The following KLF12 variants were observed in gnomAD, a reference collection of about 807,000 sequenced individuals.
The protein encoded by KLF12 is Krueppel-like factor 12.
A neutral mutation model predicts 37.8 loss-of-function variants in KLF12; 9 were observed. The ratio of observed to expected loss-of-function variants is 0.24; its 90% CI spans 0.14 to 0.42. The LOEUF is 0.42. Among genes scored for constraint, KLF12 ranks in the 10% least tolerant of loss-of-function variants. The pLI, the probability that KLF12 is intolerant of heterozygous loss-of-function variation, is 1.00. For missense variants in KLF12, 411 were observed against 516.0 expected, an observed-to-expected ratio of 0.80 and a Z score of 1.97; for synonymous variants, 208 against 202.1, an observed-to-expected ratio of 1.03 and a Z score of -0.25.
chr13:73,898,722 C>T (rs1355540089), intron 3 of KLF12, among the ~76,000 whole-genome samples: 1 of 152,150 alleles, frequency 6.6e-6, no homozygotes, highest in Admixed American at 6.5e-5. Context: ...ACAGTACGCC[C>T]AAGAAAGGGT....
At chr13:73,826,763 T>TACACGC (rs1883866846) in intron 4 of KLF12, among the ~76,000 whole-genome samples, 1 of 149,370 alleles carries the variant, frequency 6.7e-6, no homozygotes, top group African/African-American at 2.5e-5. Context: ...ATATCATATC[T>TACACGC]ACACACACAC....
chr13:74,045,475 T>G, intron 1 of KLF12, among the ~76,000 whole-genome samples: 1 of 152,086 alleles, frequency 6.6e-6, no homozygotes, highest in Non-Finnish European at 1.5e-5. Context: ...AGGAGTCAGA[T>G]GTGATCACAA....
rs768668350 is a variant in KLF12, at chr13:73,839,258, AT to A, written c.670+6568del. Among the ~76,000 whole-genome samples, 1,048 of 113,036 alleles carry A rather than the reference AT, an allele frequency of 9.3e-3. 10 individuals are homozygous for A. Among genetic ancestry groups the A allele is most frequent in the East Asian group, 0.033 (67 of 2,016 alleles). 74.2% of individuals were successfully genotyped at this position (113,036 alleles called of 152,430 possible). On this transcript the variant is annotated intron_variant, in intron 4 of 7. Transcript: ENST00000377669. ...CAGGTGCTTACCACCATACCTGGTT[AT>A]TTTTTTTTTTTTTTTGTATTTTTGG...
intron 7 of KLF12, among the ~76,000 whole-genome samples, chr13:73,696,974 T>C (rs1270162065): frequency 6.6e-6 from 1 of 152,206 alleles, no homozygotes; most frequent in Non-Finnish European, 1.5e-5. Flanking sequence ...GACGCCCTTC[T>C]GTACCAGTTT....
chr13:74,161,549 C>G, the KLF12 span, among the ~76,000 whole-genome samples: 1 of 152,126 alleles, frequency 6.6e-6, no homozygotes, highest in Non-Finnish European at 1.5e-5. Flanking sequence ...AACAGATTCT[C>G]CCTCAGAACC....
chr13:73,978,982 A>G (rs192985034), intron 2 of KLF12, among the ~76,000 whole-genome samples: 57 of 151,672 alleles, frequency 3.8e-4, no homozygotes, highest in Admixed American at 1.2e-3. Context: ...GAAGACAATA[A>G]AACAATCAGT....
chr13:74,219,927 T>C, the KLF12 span, among the ~76,000 whole-genome samples: 35 of 152,202 alleles, frequency 2.3e-4, no homozygotes, highest in Admixed American at 1.2e-3. Flanking sequence ...AAACTTCTTT[T>C]CTTTTAAAAC....
At chr13:73,900,460 A>G (rs1305656997) in intron 3 of KLF12, among the ~76,000 whole-genome samples, 1 of 152,136 alleles carries the variant, frequency 6.6e-6, no homozygotes, top group Non-Finnish European at 1.5e-5. Flanking sequence ...CTTTTAATAC[A>G]TTTTTTCAGT....
intron 2 of KLF12, among the ~76,000 whole-genome samples, chr13:73,949,754 G>C (rs1436964346): frequency 6.6e-6 from 1 of 152,012 alleles, no homozygotes; most frequent in Non-Finnish European, 1.5e-5. Context: ...TTTCATAGAG[G>C]GCATATAACT....
chr13:73,982,892 T>C (rs1215350966), intron 2 of KLF12, among the ~76,000 whole-genome samples: 1 of 152,180 alleles, frequency 6.6e-6, no homozygotes, highest in African/African-American at 2.4e-5. Context: ...ACTTTTCATT[T>C]ATTTCAGGAT....
At chr13:74,180,838 C>A in the KLF12 span, among the ~76,000 whole-genome samples, 6 of 152,052 alleles carry the variant, frequency 3.9e-5, no homozygotes, top group African/African-American at 1.4e-4. Flanking sequence ...GCTTTTTTCC[C>A]CATTAAAATA....
At position 73,695,682 on chromosome 13, in the gene KLF12, C is replaced by T. The variant is rs947112421; in HGVS notation, c.1028-11G>A. On this transcript the variant is annotated splice_polypyrimidine_tract_variant and intron_variant, in intron 7 of 7. Coordinates refer to ENST00000377669, the MANE Select transcript of KLF12 (RefSeq NM_007249.5). ...TGTAAGGTTTCTCTCCTGGAAGAAA[C>T]AAAGGAACACAAGCTTTGGTGCTCC... The T allele has an allele frequency of 1.9e-6, 3 of 1,612,656 alleles. No homozygotes were observed. Among genetic ancestry groups the T allele is most frequent in the African/African-American group, 1.3e-5 (1 of 74,888 alleles).
At chr13:74,112,292 C>T (rs576895854) in intron 1 of KLF12, among the ~76,000 whole-genome samples, 11 of 149,532 alleles carry the variant, frequency 7.4e-5, no homozygotes, top group South Asian at 4.2e-4. Context: ...CTGGCCCTTA[C>T]GCAAGTTTAC....
intron 2 of KLF12, among the ~76,000 whole-genome samples, chr13:73,973,424 A>G (rs2138121110): frequency 6.6e-6 from 1 of 152,290 alleles, no homozygotes; most frequent in East Asian, 1.9e-4. Flanking sequence ...CATTGTCCAT[A>G]CATCACCAAA....
chr13:73,875,463 G>A (rs957944895), intron 3 of KLF12, among the ~76,000 whole-genome samples: 8 of 152,004 alleles, frequency 5.3e-5, no homozygotes, highest in Non-Finnish European at 8.8e-5. Flanking sequence ...TAGAAAACAT[G>A]GTTTTTGTGA....
chr13:74,305,477 T>A, the KLF12 span, among the ~76,000 whole-genome samples: 82,706 of 151,916 alleles, frequency 0.54, 28,089 homozygotes, highest in East Asian at 0.8. Context: ...AAATAAAAAT[T>A]GGAAAAAATA....
chr13:73,926,955 C>G (rs1357763769), intron 3 of KLF12, among the ~76,000 whole-genome samples: 1 of 143,960 alleles, frequency 6.9e-6, no homozygotes, highest in African/African-American at 2.5e-5. Context: ...AAAAAAAGTG[C>G]CAAGTTATCC....
At chr13:74,116,176 A>G (rs957688158) in intron 1 of KLF12, among the ~76,000 whole-genome samples, 1 of 152,220 alleles carries the variant, frequency 6.6e-6, no homozygotes, top group South Asian at 2.1e-4. Context: ...CCACTGAGGC[A>G]TAGCCAGAAA....
chr13:74,065,226 GTA>G (rs71199832), intron 1 of KLF12, among the ~76,000 whole-genome samples: 26,990 of 149,700 alleles, frequency 0.18, 2,686 homozygotes, highest in African/African-American at 0.25. Context: ...ACACACACAT[GTA>G]TATATATATA....
Sources: gnomAD v4.1 joint callset for allele counts (sites outside exome capture counted in the v4.1 genomes callset) on GRCh38, gnomAD v4.1.1 for gene constraint, MANE v1.5 for transcripts, NCBI Gene and HGNC (gene_info 2026-07-23, HGNC 2026-07-21) for gene names.